Variants in SCAPER observed in about 807,000 individuals in gnomAD.
SCAPER encodes S-phase cyclin A associated protein in the ER, also known as S phase cyclin A-associated protein in the endoplasmic reticulum.
Under a neutral mutation model 182.2 loss-of-function variants are expected in SCAPER, and 98 were observed. The ratio of observed to expected loss-of-function variants is 0.54; its 90% confidence interval spans 0.46 to 0.64. The LOEUF (loss-of-function observed/expected upper bound fraction) is 0.64. SCAPER is among the 30% of genes least tolerant of loss of function. The probability of loss-of-function intolerance (pLI) is 0.00; values close to 1 mark genes in which losing one functional copy is unlikely to be tolerated. For synonymous variants in SCAPER, 605 were observed against 564.6 expected (o/e 1.07, Z -1.01); for missense variants, 1,432 against 1,690.0 (o/e 0.85, Z 2.68).
intron 17 of SCAPER, among the ~76,000 whole-genome samples, chr15:76,715,262 C>A (rs989006889): frequency 1.1e-4 from 16 of 151,972 alleles, no homozygotes; most frequent in Admixed American, 4.6e-4. Context: ...TAATTGCACC[C>A]CCAGCACCAC....
At chr15:76,395,786 C>T (rs2044007790) in intron 27 of SCAPER, among the ~76,000 whole-genome samples, 1 of 152,132 alleles carries the variant, frequency 6.6e-6, no homozygotes, top group Non-Finnish European at 1.5e-5. Flanking sequence ...TATTTTCTCT[C>T]TTCTGTGGAT....
intron 25 of SCAPER, among the ~76,000 whole-genome samples, chr15:76,450,009 CT>C (rs1372186526): frequency 6.6e-6 from 1 of 152,242 alleles, no homozygotes; most frequent in Admixed American, 6.5e-5. Context: ...CTCAGTTCTA[CT>C]GTTGTAAGAA....
intron 15 of SCAPER, among the ~76,000 whole-genome samples, chr15:76,740,946 G>C (rs77488444): frequency 1.3e-5 from 2 of 151,970 alleles, no homozygotes; most frequent in Non-Finnish European, 2.9e-5. Context: ...TTTAGCAAGG[G>C]TTCCCTAAAA....
Position 76,607,291 on chromosome 15 carries a change from G to A in SCAPER, c.2711+14473C>T, listed in dbSNP as rs544852586. Among the ~76,000 whole-genome samples, 3 of 152,304 alleles carry A rather than the reference G, an allele frequency of 2.0e-5. No individual in the cohort carries two copies. In the East Asian group the frequency reaches 5.8e-4, roughly 29 times the overall value. On this transcript the variant is annotated intron_variant, in intron 22 of 31. Transcript: ENST00000563290. ...TCACTTATGAAGCTTAGTTTGGCTG[G>A]ATATGAAATTCTGGGTTGAAAATTC... is the stretch of plus-strand genomic sequence containing the variant.
chr15:76,859,834 C>T (rs1377314022), intron 3 of SCAPER, among the ~76,000 whole-genome samples: 1 of 151,998 alleles, frequency 6.6e-6, no homozygotes, highest in Non-Finnish European at 1.5e-5. Flanking sequence ...CAGGTTCAAG[C>T]CTCCCGGGTA....
chr15:76,499,846 AG>A (rs1240756319), intron 24 of SCAPER, among the ~76,000 whole-genome samples: 1 of 152,228 alleles, frequency 6.6e-6, no homozygotes, highest in Non-Finnish European at 1.5e-5. Flanking sequence ...GTTTGAATTT[AG>A]GGTGAAAAAC....
At chr15:76,612,096 C>A (rs1486307461) in intron 22 of SCAPER, among the ~76,000 whole-genome samples, 1 of 152,138 alleles carries the variant, frequency 6.6e-6, no homozygotes, top group Admixed American at 6.5e-5. Flanking sequence ...CTGGCTAGGG[C>A]AATCAGGCAA....
intron 7 of SCAPER, among the ~76,000 whole-genome samples, chr15:76,799,966 G>A (rs2065631092): frequency 1.3e-5 from 2 of 151,656 alleles, no homozygotes; most frequent in South Asian, 4.2e-4. Flanking sequence ...ACTTGTGCAA[G>A]TCAGCATATG....
chr15:76,896,524 A>G (rs2074441489), intron 1 of SCAPER, among the ~76,000 whole-genome samples: 1 of 152,230 alleles, frequency 6.6e-6, no homozygotes, highest in African/African-American at 2.4e-5. Context: ...GGAAAAAATT[A>G]ACATTGTTAA....
chr15:76,702,262 C>CA (rs2147269509), intron 19 of SCAPER, among the ~76,000 whole-genome samples: 1 of 143,372 alleles, frequency 7.0e-6, no homozygotes, highest in South Asian at 2.1e-4. Flanking sequence ...GAAAATGTTG[C>CA]TTTTTTTTTA....
At chr15:76,753,782 C>A in intron 15 of SCAPER, 26 bp downstream of exon 15, 1 of 1,592,826 alleles carries the variant, frequency 6.3e-7, no homozygotes, top group South Asian at 1.1e-5. Context: ...GTAATTAAGT[C>A]AACATTTAAA....
At chr15:76,464,699 G>A (rs556110328) in intron 25 of SCAPER, among the ~76,000 whole-genome samples, 16 of 152,200 alleles carry the variant, frequency 1.1e-4, no homozygotes, top group Middle Eastern at 3.4e-3. Context: ...GAATAATGCC[G>A]AGGTGAACAT....
chr15:76,772,102 AT>A (rs1350227217), intron 9 of SCAPER, 148 bp from the exon 10 acceptor site: 1 of 640,400 alleles, frequency 1.6e-6, no homozygotes, highest in Non-Finnish European at 2.6e-6. Context: ...TCTTTTTTGT[AT>A]GTTTCAAGTG....
intron 22 of SCAPER, among the ~76,000 whole-genome samples, chr15:76,594,623 G>A (rs2049363956): frequency 8.2e-6 from 1 of 121,620 alleles, no homozygotes; most frequent in African/African-American, 2.5e-5. Context: ...ACTAACAGCG[G>A]ATCTCTCTGC....
At chr15:76,395,613 C>T (rs188665722) in intron 27 of SCAPER, among the ~76,000 whole-genome samples, 231 of 152,202 alleles carry the variant, frequency 1.5e-3, no homozygotes, top group Middle Eastern at 0.01. Context: ...TGTTGAGCAC[C>T]TTTTCATATG....
At chr15:76,728,167 G>A (rs578101849) in intron 17 of SCAPER, among the ~76,000 whole-genome samples, 1 of 149,482 alleles carries the variant, frequency 6.7e-6, no homozygotes, top group South Asian at 2.1e-4. Flanking sequence ...ATAATTGAAG[G>A]TCATACATCA....
chr15:76,813,087 T>C (rs189169937), intron 5 of SCAPER, among the ~76,000 whole-genome samples: 1 of 152,016 alleles, frequency 6.6e-6, no homozygotes. Context: ...GATGAATCCC[T>C]GAGCTGCAAG....
chr15:76,881,253 G>A (rs2073518272), intron 2 of SCAPER, among the ~76,000 whole-genome samples: 1 of 152,106 alleles, frequency 6.6e-6, no homozygotes, highest in Admixed American at 6.6e-5. Flanking sequence ...ATATCACCAT[G>A]CCAGCTAATT....
At chr15:76,646,003 C>G (rs577019635) in intron 21 of SCAPER, among the ~76,000 whole-genome samples, 1 of 152,112 alleles carries the variant, frequency 6.6e-6, no homozygotes. Flanking sequence ...GCTCTCTGGT[C>G]AATTCTAACA....
Sources: allele counts gnomAD v4.1 joint callset (sites outside exome capture counted in the v4.1 genomes callset), GRCh38; gene constraint gnomAD v4.1.1; transcripts MANE v1.5; gene names NCBI Gene and HGNC (gene_info 2026-07-23, HGNC 2026-07-21).